The following FJX1 variants were observed in gnomAD, a reference collection of about 807,000 sequenced individuals.
FJX1 encodes four-jointed box protein 1.
Under a neutral mutation model 28.7 loss-of-function variants are expected in FJX1, and 21 were observed. The ratio of observed to expected loss-of-function variants is 0.73; its 90% CI spans 0.52 to 1.05. FJX1 has a LOEUF of 1.05. Ranked by LOEUF, FJX1 falls within the 50% of genes least tolerant of loss-of-function variation. The probability of loss-of-function intolerance (pLI) is 0.00; values close to 1 mark genes in which losing one functional copy is unlikely to be tolerated. For missense variants in FJX1, 683 were observed against 647.2 expected (o/e 1.06, Z -0.60); for synonymous variants, 363 against 310.0 (o/e 1.17, Z -1.80).
At position 35,619,963 on chromosome 11, in the gene FJX1, G is replaced by A. The variant is rs1286819380; in HGVS notation, c.*13G>A. The A allele has an allele frequency of 1.9e-6, 3 of 1,581,600 alleles. No individual in the cohort carries two copies. Among genetic ancestry groups the A allele is most frequent in the Middle Eastern group, 1.8e-4 (1 of 5,636 alleles). ...GTCTGGGACTTAGTGTCACCGGGAG[G>A]AAAAGAGAGAGATCTGGGGCTGGGG... On this transcript the variant is annotated 3_prime_UTR_variant, in exon 1 of 1. Transcript: ENST00000317811. This position sits in a 1 kb window ranked among gnomAD's most constrained non-coding sequence, Gnocchi z 7.6.
Position 35,619,512 on chromosome 11 carries a change from A to G in FJX1, c.876A>G (p.Leu292=). The G allele has an allele frequency of 6.3e-7, 1 of 1,599,758 alleles. No individual in the cohort carries two copies. Among genetic ancestry groups the G allele is most frequent in the Non-Finnish European group, 8.5e-7 (1 of 1,179,728 alleles). ...TGGACCTAGTACAATGGACCGACTT[A>G]ATCCTTTTCGACTACCTGACGGCCA... ...ELVDLVQWTD[L]ILFDYLTANF... is the part of the protein sequence containing the mutation. The change falls in exon 1 of 1, where the codon TTA becomes TTG. Residue 292 remains leucine, a synonymous_variant. Coordinates refer to ENST00000317811, the MANE Select transcript of FJX1 (RefSeq NM_014344.4). The surrounding 1 kb of genome is among the most constrained non-coding windows in gnomAD (Gnocchi z 7.6).
rs1157641987 is a variant in FJX1, at chr11:35,618,619, C to A, written c.-18C>A. On this transcript the variant is annotated 5_prime_UTR_variant, in exon 1 of 1. Transcript: ENST00000317811. This position sits in a 1 kb window ranked among gnomAD's most constrained non-coding sequence, Gnocchi z 4.2. ...TCGGCTTGAAGCGGCGGCGGCGCAC[C>A]GGCACAGCCGCGGGAGCATGGGCAG... The A allele has an allele frequency of 8.0e-6, 9 of 1,121,660 alleles. No homozygotes were observed. Among genetic ancestry groups the A allele is most frequent in the Admixed American group, 5.0e-5 (1 of 20,088 alleles). The allele number at this position is 1,121,660 out of a possible 1,614,324, so 69.5% of individuals were successfully genotyped here.
At position 35,619,162 on chromosome 11, in the gene FJX1, C is replaced by G. The variant is rs768729646; in HGVS notation, c.526C>G (p.Arg176Gly). 1 of 1,576,220 alleles carries G rather than the reference C, an allele frequency of 6.3e-7. No individual in the cohort carries two copies. Among genetic ancestry groups the G allele is most frequent in the South Asian group, 1.1e-5 (1 of 87,938 alleles). Residue 176 changes from arginine (R) to glycine (G), a missense_variant, in exon 1 of 1, where the codon CGC becomes GGC. Coordinates refer to ENST00000317811, the MANE Select transcript of FJX1 (RefSeq NM_014344.4). This position sits in a 1 kb window ranked among gnomAD's most constrained non-coding sequence, Gnocchi z 7.6. ...NRLARFADGT[R>G]ACVRYGINPE... is the part of the protein sequence containing the mutation. ...ACTGGCCCGTTTTGCCGACGGCACCCGCGCCTGCGTGCGCTACGGCATCAA... is the reference window on the plus strand; with the variant it reads ...ACTGGCCCGTTTTGCCGACGGCACCGGCGCCTGCGTGCGCTACGGCATCAA...
rs564019032 is a variant in FJX1, at chr11:35,619,940, C to G, written c.1304C>G (p.Ser435Cys). 44 of 1,589,504 alleles carry G rather than the reference C, an allele frequency of 2.8e-5. No homozygotes were observed. The East Asian group carries it at 6.7e-4, about 24-fold the overall frequency. ...TGTAAGGCCAAGTACGGCCGCCGGT[C>G]TGGGACTTAGTGTCACCGGGAGGAA... Reference protein sequence around the residue: ...LHCKAKYGRRSGT With the variant: ...LHCKAKYGRRCGT Residue 435 changes from serine (S) to cysteine (C), a missense_variant, in exon 1 of 1, where the codon TCT (serine) becomes TGT (cysteine). By Grantham distance (112) the Ser-to-Cys change is moderately radical. Transcript: ENST00000317811. This position sits in a 1 kb window ranked among gnomAD's most constrained non-coding sequence, Gnocchi z 7.6.
At position 35,619,145 on chromosome 11, in the gene FJX1, GT is replaced by G; in HGVS notation, c.513del (p.Phe171LeufsTer70). The G allele has an allele frequency of 1.3e-6, 2 of 1,571,386 alleles. No homozygotes were observed. Among genetic ancestry groups the G allele is most frequent in the Non-Finnish European group, 8.5e-7 (1 of 1,169,824 alleles). On this transcript the variant is annotated frameshift_variant, in exon 1 of 1. Coordinates refer to ENST00000317811, the MANE Select transcript of FJX1 (RefSeq NM_014344.4). LOFTEE classifies it high-confidence loss of function. The surrounding 1 kb of genome is among the most constrained non-coding windows in gnomAD (Gnocchi z 7.6). ...GCGRSSNRLA[R>X]FADGTRACVR... ...GGGCGCAGCTCCAACCGACTGGCCC[GT>G]TTTGCCGACGGCACCCGCGCCTGCG...
chr11:35,619,468 C>T lies in FJX1; in HGVS notation c.832C>T (p.Leu278Phe). Residue 278 changes from leucine (L) to phenylalanine (F), a missense_variant, in exon 1 of 1, where the codon CTC (leucine) becomes TTC (phenylalanine). Coordinates refer to ENST00000317811, the MANE Select transcript of FJX1 (RefSeq NM_014344.4). This position sits in a 1 kb window ranked among gnomAD's most constrained non-coding sequence, Gnocchi z 7.6. ...LRDAGGELAN[L>F]SQAELVDLVQ... is the part of the protein sequence containing the mutation. ...GGATGCCGGGGGTGAGCTGGCCAAC[C>T]TCAGCCAGGCGGAGCTGGTGGACCT... is the stretch of plus-strand genomic sequence containing the variant. The T allele has an allele frequency of 1.3e-6, 2 of 1,599,150 alleles. No individual in the cohort carries two copies. Among genetic ancestry groups the T allele is most frequent in the Non-Finnish European group, 8.5e-7 (1 of 1,179,698 alleles).
Position 35,618,948 on chromosome 11 carries a change from C to T in FJX1, c.312C>T (p.His104=). The change falls in exon 1 of 1, where the codon CAC becomes CAT. Residue 104 remains histidine, a synonymous_variant. Transcript: ENST00000317811. This position sits in a 1 kb window ranked among gnomAD's most constrained non-coding sequence, Gnocchi z 4.2. ...PRQSRSEPRW[H]VSARQPRPEE... ...AGTCCCGGAGCGAGCCCAGGTGGCA[C>T]GTGTCAGCCAGGCAGCCCCGGCCGG... The T allele has an allele frequency of 6.8e-7, 1 of 1,469,648 alleles. No individual in the cohort carries two copies. The highest frequency in any genetic ancestry group is 8.9e-7 in the Non-Finnish European group (1 of 1,118,646). The allele number at this position is 1,469,648 out of a possible 1,614,324, so 91.0% of individuals were successfully genotyped here. A position where few individuals can be genotyped will look rare whatever the true frequency, so the allele number is the denominator to read the frequency against.
In FJX1 at chr11:35,620,033, G is replaced by T; in HGVS notation, c.*83G>T. Reference sequence around the variant, plus strand: ...GGCGGTCGCCTCTGCCACTGTCAGGGACCAGCCGGCCAACGCCCACCCGCA... The same window carrying T: ...GGCGGTCGCCTCTGCCACTGTCAGGTACCAGCCGGCCAACGCCCACCCGCA... On this transcript the variant is annotated 3_prime_UTR_variant, in exon 1 of 1. Transcript: ENST00000317811. The T allele has an allele frequency of 6.5e-6, 10 of 1,527,102 alleles. No individual in the cohort carries two copies. The highest frequency in any genetic ancestry group is 8.8e-6 in the Non-Finnish European group (10 of 1,139,632). The allele number at this position is 1,527,102 out of a possible 1,614,324, so 94.6% of individuals were successfully genotyped here. A position where few individuals can be genotyped will look rare whatever the true frequency, so the allele number is the denominator to read the frequency against.
In FJX1 at chr11:35,619,688, G is replaced by A; in HGVS notation, c.1052G>A (p.Gly351Asp). The A allele has an allele frequency of 6.2e-7, 1 of 1,605,798 alleles. No individual in the cohort carries two copies. Among genetic ancestry groups the A allele is most frequent in the Non-Finnish European group, 8.5e-7 (1 of 1,177,626 alleles). The change falls in exon 1 of 1, where the codon GGC becomes GAC. Residue 351 changes from glycine (G) to aspartate (D), a missense_variant. Transcript: ENST00000317811. This position sits in a 1 kb window ranked among gnomAD's most constrained non-coding sequence, Gnocchi z 7.6. ...TTGGTGCACGGCTACCGGGTAGCAG[G>A]CATGTGGGACAAGTATAACGAGCCG... Reference protein sequence around the residue: ...AGLVHGYRVAGMWDKYNEPLL... With the variant: ...AGLVHGYRVADMWDKYNEPLL...
At position 35,618,714 on chromosome 11, in the gene FJX1, G is replaced by A; in HGVS notation, c.78G>A (p.Trp26Ter). The A allele has an allele frequency of 8.0e-7, 1 of 1,256,242 alleles. No homozygotes were observed. Among genetic ancestry groups the A allele is most frequent in the Non-Finnish European group, 1.0e-6 (1 of 988,964 alleles). The allele number at this position is 1,256,242 out of a possible 1,614,324, so 77.8% of individuals were successfully genotyped here. The change falls in exon 1 of 1, where the codon TGG (tryptophan) becomes TGA (stop). Residue 26 changes from tryptophan to a stop codon, truncating the protein, a stop_gained. Coordinates refer to ENST00000317811, the MANE Select transcript of FJX1 (RefSeq NM_014344.4). LOFTEE classifies it high-confidence loss of function. The surrounding 1 kb of genome is among the most constrained non-coding windows in gnomAD (Gnocchi z 4.2). ...LLALGSLLAL[W>*]GGLLPPRTEL... ...CGCTGGGCTCGCTGCTGGCGCTGTG[G>A]GGAGGGCTCCTGCCGCCGCGGACCG... is the stretch of plus-strand genomic sequence containing the variant.
rs1431227316 is a variant in FJX1, at chr11:35,619,802, T to G, written c.1166T>G (p.Leu389Arg). 6.5e-7 allele frequency: 1 copy of G among 1,550,296 alleles called. No homozygotes were observed. Among genetic ancestry groups the G allele is most frequent in the Non-Finnish European group, 8.7e-7 (1 of 1,147,404 alleles). ...HRGQDAAARL[L>R]RLYRRHEPRF... Reference sequence around the variant, plus strand: ...GGACAGGACGCCGCGGCCCGGCTGCTGCGCCTCTACCGGCGCCACGAGCCT... The same window carrying G: ...GGACAGGACGCCGCGGCCCGGCTGCGGCGCCTCTACCGGCGCCACGAGCCT... Residue 389 changes from leucine (L) to arginine (R), a missense_variant, in exon 1 of 1, where the codon CTG (leucine) becomes CGG (arginine). Coordinates refer to ENST00000317811, the MANE Select transcript of FJX1 (RefSeq NM_014344.4). This position sits in a 1 kb window ranked among gnomAD's most constrained non-coding sequence, Gnocchi z 7.6.
Position 35,619,156 on chromosome 11 carries a change from G to C in FJX1, c.520G>C (p.Gly174Arg), listed in dbSNP as rs900791354. The stretch of plus-strand genomic sequence containing the variant: ...CAACCGACTGGCCCGTTTTGCCGAC[G>C]GCACCCGCGCCTGCGTGCGCTACGG... ...SSNRLARFAD[G>R]TRACVRYGIN... The change falls in exon 1 of 1, where the codon GGC (glycine) becomes CGC (arginine). Residue 174 changes from glycine to arginine, a missense_variant. By Grantham distance (125) the Gly-to-Arg change is moderately radical. Transcript: ENST00000317811. This position sits in a 1 kb window ranked among gnomAD's most constrained non-coding sequence, Gnocchi z 7.6. 1 of 1,574,078 alleles carries C rather than the reference G, an allele frequency of 6.4e-7. No individual in the cohort carries two copies. The highest frequency in any genetic ancestry group is 8.5e-7 in the Non-Finnish European group (1 of 1,170,944).
At position 35,619,115 on chromosome 11, in the gene FJX1, G is replaced by T; in HGVS notation, c.479G>T (p.Gly160Val). The T allele has an allele frequency of 2.6e-6, 4 of 1,534,480 alleles. No homozygotes were observed. The highest frequency in any genetic ancestry group is 3.5e-6 in the Non-Finnish European group (4 of 1,152,682). The change falls in exon 1 of 1, where the codon GGT becomes GTT. Residue 160 changes from glycine (G) to valine (V), a missense_variant. Physicochemically the swap from Gly to Val is moderately radical, Grantham distance 109. Coordinates refer to ENST00000317811, the MANE Select transcript of FJX1 (RefSeq NM_014344.4). This position sits in a 1 kb window ranked among gnomAD's most constrained non-coding sequence, Gnocchi z 7.6. Reference sequence around the variant, plus strand: ...CGGATGGTGGCCCTGGAGCGCGGGGGTTGCGGGCGCAGCTCCAACCGACTG... The same window carrying T: ...CGGATGGTGGCCCTGGAGCGCGGGGTTTGCGGGCGCAGCTCCAACCGACTG... ...GARMVALERGGCGRSSNRLAR... is the reference protein window; with the variant it reads ...GARMVALERGVCGRSSNRLAR...
chr11:35,618,494 C>T lies in FJX1; in HGVS notation c.-143C>T, dbSNP rs1225632938. On this transcript the variant is annotated 5_prime_UTR_variant, in exon 1 of 1. Transcript: ENST00000317811. This position sits in a 1 kb window ranked among gnomAD's most constrained non-coding sequence, Gnocchi z 4.2. ...CGCCGGGCGGAGCGCCGGACAGAGCCCCGCAGCGCCCCGCGGCCGCGATGG... is the reference window on the plus strand; with the variant it reads ...CGCCGGGCGGAGCGCCGGACAGAGCTCCGCAGCGCCCCGCGGCCGCGATGG... The T allele has an allele frequency of 7.9e-6, 6 of 761,048 alleles. No individual in the cohort carries two copies. The Admixed American group carries it at 2.2e-4, about 28-fold the overall frequency. 47.1% of individuals were successfully genotyped at this position (761,048 alleles called of 1,614,324 possible). A position where few individuals can be genotyped will look rare whatever the true frequency, so the allele number is the denominator to read the frequency against.
rs774488948 is a variant in FJX1, at chr11:35,619,180, G to A, written c.544G>A (p.Gly182Ser). ...CGGCACCCGCGCCTGCGTGCGCTACGGCATCAACCCGGAGCAGATTCAGGG... is the reference window on the plus strand; with the variant it reads ...CGGCACCCGCGCCTGCGTGCGCTACAGCATCAACCCGGAGCAGATTCAGGG... ...ADGTRACVRY[G>S]INPEQIQGEA... Residue 182 changes from glycine to serine, a missense_variant, in exon 1 of 1, where the codon GGC (glycine) becomes AGC (serine). By Grantham distance (56) the Gly-to-Ser change is moderately conservative (BLOSUM62 0). Transcript: ENST00000317811. The surrounding 1 kb of genome is among the most constrained non-coding windows in gnomAD (Gnocchi z 7.6). The A allele has an allele frequency of 2.5e-6, 4 of 1,580,498 alleles. No individual in the cohort carries two copies. The highest frequency in any genetic ancestry group is 8.5e-7 in the Non-Finnish European group (1 of 1,173,120).
rs767991868 is a variant in FJX1, at chr11:35,619,081, C to T, written c.445C>T (p.Arg149Cys). Reference protein sequence around the residue: ...AQAAAWLEAARGARMVALERG... With the variant: ...AQAAAWLEAACGARMVALERG... ...GGCGGCGGCGTGGCTGGAGGCGGCT[C>T]GCGGCGCCCGGATGGTGGCCCTGGA... The change falls in exon 1 of 1, where the codon CGC (arginine) becomes TGC (cysteine). Residue 149 changes from arginine to cysteine, a missense_variant. Coordinates refer to ENST00000317811, the MANE Select transcript of FJX1 (RefSeq NM_014344.4). This position sits in a 1 kb window ranked among gnomAD's most constrained non-coding sequence, Gnocchi z 7.6. The T allele has an allele frequency of 4.7e-6, 7 of 1,484,578 alleles. No individual in the cohort carries two copies. The highest frequency in any genetic ancestry group is 6.2e-6 in the Non-Finnish European group (7 of 1,129,914). 92.0% of individuals were successfully genotyped at this position (1,484,578 alleles called of 1,614,324 possible). A position where few individuals can be genotyped will look rare whatever the true frequency, so the allele number is the denominator to read the frequency against.
In FJX1 at chr11:35,619,181, G is replaced by C. The variant is rs891523682; in HGVS notation, c.545G>C (p.Gly182Ala). The change falls in exon 1 of 1, where the codon GGC becomes GCC. Residue 182 changes from glycine to alanine, a missense_variant. Physicochemically the swap from Gly to Ala is moderately conservative, Grantham distance 60. Transcript: ENST00000317811. This position sits in a 1 kb window ranked among gnomAD's most constrained non-coding sequence, Gnocchi z 7.6. The part of the protein sequence containing the change: ...ADGTRACVRY[G>A]INPEQIQGEA... ...GGCACCCGCGCCTGCGTGCGCTACG[G>C]CATCAACCCGGAGCAGATTCAGGGC... 12 of 1,581,926 alleles carry C rather than the reference G, an allele frequency of 7.6e-6. No homozygotes were observed. Among genetic ancestry groups the C allele is most frequent in the Non-Finnish European group, 1.0e-5 (12 of 1,173,672 alleles).
rs910172747 is a variant in FJX1 at position 35,618,928 on chromosome 11, C to A, written c.292C>A (p.Arg98=). Residue 98 remains arginine (R), a synonymous_variant, in exon 1 of 1, where the codon CGG becomes AGG. Coordinates refer to ENST00000317811, the MANE Select transcript of FJX1 (RefSeq NM_014344.4). The surrounding 1 kb of genome is among the most constrained non-coding windows in gnomAD (Gnocchi z 4.2). ...CGCGGACGGCCCGCCCCGGCAGTCC[C>A]GGAGCGAGCCCAGGTGGCACGTGTC... The part of the protein sequence containing the change: ...AGADGPPRQS[R]SEPRWHVSAR... The A allele has an allele frequency of 5.5e-6, 8 of 1,457,278 alleles. No individual in the cohort carries two copies. The highest frequency in any genetic ancestry group is 7.2e-6 in the Non-Finnish European group (8 of 1,112,048). 90.3% of individuals were successfully genotyped at this position (1,457,278 alleles called of 1,614,324 possible). A position where few individuals can be genotyped will look rare whatever the true frequency, so the allele number is the denominator to read the frequency against.
chr11:35,619,598 G>A lies in FJX1; in HGVS notation c.962G>A (p.Arg321His), dbSNP rs866361271. 6.2e-7 allele frequency: 1 copy of A among 1,608,258 alleles called. No homozygotes were observed. ...CAGTGGGACCCGCGCGTCATGCAGC[G>A]TGCCACCAGCAACCTGCACCGCGGT... is the stretch of plus-strand genomic sequence containing the variant. Reference protein sequence around the residue: ...SLQWDPRVMQRATSNLHRGPG... With the variant: ...SLQWDPRVMQHATSNLHRGPG... Residue 321 changes from arginine to histidine, a missense_variant, in exon 1 of 1, where the codon CGT (arginine) becomes CAT (histidine). Transcript: ENST00000317811. This position sits in a 1 kb window ranked among gnomAD's most constrained non-coding sequence, Gnocchi z 7.6.
Sources: gnomAD v4.1 joint callset for allele counts on GRCh38, gnomAD v4.1.1 for gene constraint, Gnocchi (gnomAD v3.1) non-coding constraint, MANE v1.5 for transcripts, NCBI Gene and HGNC (gene_info 2026-07-23, HGNC 2026-07-21) for gene names.